The following RARB variants were observed in gnomAD, a reference collection of about 807,000 sequenced individuals.
RARB encodes the protein retinoic acid receptor beta, also known as HBV-activated protein.
A neutral mutation model predicts 51.9 loss-of-function variants in RARB; 17 were observed. The ratio of observed to expected loss-of-function variants is 0.33; its 90% CI spans 0.22 to 0.49. RARB has a LOEUF of 0.49. Ranked by LOEUF, RARB falls within the 20% of genes least tolerant of loss-of-function variation. RARB has a pLI of 0.99. For missense variants in RARB, 369 were observed against 550.8 expected, an observed-to-expected ratio of 0.67 and a Z score of 3.30; for synonymous variants, 215 against 195.4, an observed-to-expected ratio of 1.10 and a Z score of -0.84.
intron 5 of RARB, among the ~76,000 whole-genome samples, chr3:25,396,145 C>T (rs901085236): frequency 2.6e-5 from 4 of 152,190 alleles, no homozygotes; most frequent in African/African-American, 9.7e-5. Flanking sequence ...GGTCTAGCCA[C>T]CCAGCAGAGC....
At chr3:25,518,691 TCTC>T (rs1287087324) in intron 3 of RARB, among the ~76,000 whole-genome samples, 6 of 152,152 alleles carry the variant, frequency 3.9e-5, no homozygotes, top group Admixed American at 1.3e-4. Flanking sequence ...TTAAAATAGT[TCTC>T]CTTCAAATAA....
intron 5 of RARB, among the ~76,000 whole-genome samples, chr3:25,380,387 A>G (rs140104728): frequency 0.02 from 3,026 of 152,100 alleles, 56 homozygotes; most frequent in African/African-American, 0.048. Context: ...AGTGACCCCA[A>G]CTCGATCCCA....
At chr3:25,269,759 G>A (rs1559338916) in intron 5 of RARB, among the ~76,000 whole-genome samples, 1 of 152,124 alleles carries the variant, frequency 6.6e-6, no homozygotes, top group African/African-American at 2.4e-5. Flanking sequence ...TTAACAAAAT[G>A]TGTATATTTA....
chr3:25,497,429 T>A (rs1392481480), intron 2 of RARB, among the ~76,000 whole-genome samples: 1 of 152,156 alleles, frequency 6.6e-6, no homozygotes, highest in Non-Finnish European at 1.5e-5. Flanking sequence ...CCACCTCTTC[T>A]TTCGCCAAAA....
intron 5 of RARB, among the ~76,000 whole-genome samples, chr3:25,210,828 C>A (rs1701678628): frequency 6.6e-6 from 1 of 152,052 alleles, no homozygotes; most frequent in Non-Finnish European, 1.5e-5. Context: ...AGCCACCATG[C>A]CCAGCCTTTG....
At chr3:25,338,380 T>C (rs1230787172) in intron 5 of RARB, among the ~76,000 whole-genome samples, 1 of 152,180 alleles carries the variant, frequency 6.6e-6, no homozygotes, top group Non-Finnish European at 1.5e-5. Context: ...TGTGGCATTA[T>C]TGAAGGGTGG....
intron 2 of RARB, among the ~76,000 whole-genome samples, chr3:24,916,182 A>G (rs562366197): frequency 6.6e-6 from 1 of 152,214 alleles, no homozygotes; most frequent in Admixed American, 6.5e-5. Flanking sequence ...GCAGTAGGAC[A>G]CAGTGAAAGC....
chr3:25,066,378 A>G lies in RARB; in HGVS notation c.-328+6202A>G, dbSNP rs571259735. 2.6e-5 allele frequency among the ~76,000 whole-genome samples: 4 copies of G among 152,250 alleles called. No individual in the cohort carries two copies. In the South Asian group the frequency reaches 8.3e-4, roughly 32 times the overall value. On this transcript the variant is annotated intron_variant, in intron 3 of 11. Coordinates refer to the RARB transcript ENST00000383772. ...GTTACTATCAAATTTATTATCCATAAATACTTTTCTGTTTTTAATATTTGA... is the reference window on the plus strand; with the variant it reads ...GTTACTATCAAATTTATTATCCATAGATACTTTTCTGTTTTTAATATTTGA...
In RARB at chr3:25,086,146, T is replaced by G. The variant is rs113202160; in HGVS notation, c.-328+25970T>G. On this transcript the variant is annotated intron_variant, in intron 3 of 11. Coordinates refer to the RARB transcript ENST00000383772. The stretch of plus-strand genomic sequence containing the variant: ...ACTATTAATTTCCTGGGCCCAGAAA[T>G]GGTCCATATCATATCCACTCATATT... Among the ~76,000 whole-genome samples, 965 of 152,290 alleles carry G rather than the reference T, an allele frequency of 6.3e-3. 6 individuals are homozygous for G. The highest frequency in any genetic ancestry group is 0.022 in the African/African-American group (904 of 41,562).
intron 3 of RARB, among the ~76,000 whole-genome samples, chr3:25,546,933 A>T (rs1314364333): frequency 1.3e-5 from 2 of 152,180 alleles, no homozygotes; most frequent in Non-Finnish European, 2.9e-5. Context: ...ATGGCAACAT[A>T]ATGTTCCTTC....
intron 2 of RARB, among the ~76,000 whole-genome samples, chr3:25,034,034 T>G (rs575345313): frequency 6.6e-6 from 1 of 152,344 alleles, no homozygotes; most frequent in South Asian, 2.1e-4. Flanking sequence ...CACTCTTGGC[T>G]GAGCCTGTGT....
chr3:24,963,278 G>GC (rs1474242135), intron 2 of RARB, among the ~76,000 whole-genome samples: 1 of 151,826 alleles, frequency 6.6e-6, no homozygotes, highest in Non-Finnish European at 1.5e-5. Context: ...GCAACGTCAA[G>GC]CAAAGGAGTG....
chr3:25,500,790 T>G (rs561997050), intron 2 of RARB, among the ~76,000 whole-genome samples: 1 of 152,218 alleles, frequency 6.6e-6, no homozygotes, highest in Admixed American at 6.5e-5. Context: ...GTAATTTCTT[T>G]TATTGGGTAA....
At chr3:25,271,808 A>T (rs189629589) in intron 5 of RARB, among the ~76,000 whole-genome samples, 1 of 152,226 alleles carries the variant, frequency 6.6e-6, no homozygotes, top group Non-Finnish European at 1.5e-5. Context: ...ACCATTTTCT[A>T]GTAAGGCTTT....
At chr3:25,157,238 A>G (rs922964958) in intron 4 of RARB, among the ~76,000 whole-genome samples, 5 of 152,120 alleles carry the variant, frequency 3.3e-5, no homozygotes, top group Non-Finnish European at 7.3e-5. Context: ...ACATGCTTAA[A>G]CTTATCAGGT....
At chr3:25,255,264 G>A (rs2125404012) in intron 5 of RARB, among the ~76,000 whole-genome samples, 1 of 152,192 alleles carries the variant, frequency 6.6e-6, no homozygotes, top group African/African-American at 2.4e-5. Context: ...ATCTGTTTTT[G>A]GAACATAAAG....
At chr3:25,535,645 G>A (rs539472609) in intron 3 of RARB, among the ~76,000 whole-genome samples, 1 of 152,072 alleles carries the variant, frequency 6.6e-6, no homozygotes, top group Non-Finnish European at 1.5e-5. Context: ...CCACTTATGA[G>A]TGAGAACATG....
chr3:25,595,724 C>T (rs1701792301), intron 7 of RARB, among the ~76,000 whole-genome samples: 1 of 152,114 alleles, frequency 6.6e-6, no homozygotes, highest in African/African-American at 2.4e-5. Flanking sequence ...CTGTTTTTCT[C>T]ATTTTATTTA....
intron 1 of RARB, 99 bp from the exon 2 acceptor site, chr3:25,461,094 C>T: frequency 7.3e-6 from 10 of 1,372,512 alleles, no homozygotes; most frequent in Non-Finnish European, 9.8e-6. Context: ...AGTGTTATTG[C>T]TGAATTTGGG....
Sources: gnomAD v4.1 joint callset for allele counts (sites outside exome capture counted in the v4.1 genomes callset) on GRCh38, gnomAD v4.1.1 for gene constraint, MANE v1.5 for transcripts, NCBI Gene and HGNC (gene_info 2026-07-23, HGNC 2026-07-21) for gene names.